Variants in KLK5 observed in about 807,000 individuals in gnomAD.
The protein encoded by KLK5 is kallikrein-5.
In KLK5, 18 loss-of-function variants were observed where a neutral mutation model predicts 24.0. The observed-to-expected ratio is 0.75, with a 90% CI of 0.52 to 1.11. The LOEUF (loss-of-function observed/expected upper bound fraction) is 1.11. KLK5 is among the 50% of genes most tolerant of loss of function. The probability of loss-of-function intolerance (pLI) is 0.00; values close to 1 mark genes in which losing one functional copy is unlikely to be tolerated. For synonymous variants in KLK5, 140 were observed against 154.0 expected (o/e 0.91, Z 0.67); for missense variants, 374 against 379.2 (o/e 0.99, Z 0.11).
chr19:50,943,586 C>A lies in KLK5; in HGVS notation c.*45G>T, dbSNP rs769808746. 6.3e-7 allele frequency: 1 copy of A among 1,575,206 alleles called. No individual in the cohort carries two copies. Among genetic ancestry groups the A allele is most frequent in the Admixed American group, 1.7e-5 (1 of 59,334 alleles). ...GGTCTGAAAGGAGTGTCAGGGCTGT[C>A]CCTGCAGCAGGTGGGGATGCCGGTG... On this transcript the variant is annotated 3_prime_UTR_variant, in exon 6 of 6. Transcript: ENST00000336334.
At chr19:50,951,353 A>G (rs2090686397) in intron 2 of KLK5, among the ~76,000 whole-genome samples, 1 of 150,610 alleles carries the variant, frequency 6.6e-6, no homozygotes, top group African/African-American at 2.4e-5. Flanking sequence ...GCTCACCGCA[A>G]CCTCCACCTC....
chr19:50,950,091 A>T lies in KLK5; in HGVS notation c.99T>A (p.Val33=), dbSNP rs773524270. The T allele has an allele frequency of 1.5e-5, 24 of 1,611,958 alleles. No homozygotes were observed. In the East Asian group the frequency reaches 4.9e-4, roughly 33 times the overall value. The change falls in exon 3 of 6, where the codon GTT becomes GTA. Residue 33 remains valine, a synonymous_variant. Transcript: ENST00000336334. ...CGGTGTTAGAGGGGTGGTCACAGGA[A>T]ACATCATTGTTGGCGAGAACATGCT... ...VTEHVLANND[V]SCDHPSNTVP... is the part of the protein sequence containing the mutation.
chr19:50,949,194 C>G (rs1014947163), intron 3 of KLK5, 79 bp from the exon 4 acceptor site: 172 of 1,431,312 alleles, frequency 1.2e-4, no homozygotes, highest in Non-Finnish European at 1.5e-4. Context: ...CCACACCCAG[C>G]CCCAGCCCCA....
chr19:50,946,629 G>A (rs2090637599), intron 5 of KLK5, among the ~76,000 whole-genome samples: 2 of 151,414 alleles, frequency 1.3e-5, no homozygotes, highest in Non-Finnish European at 2.9e-5. Flanking sequence ...GTGCAACCTC[G>A]GCTCACTGCA....
rs117653265 is a variant in KLK5 at position 50,952,300 on chromosome 19, T to A, written c.73+285A>T. On this transcript the variant is annotated intron_variant, in intron 2 of 5. Coordinates refer to ENST00000336334, the MANE Select transcript of KLK5 (RefSeq NM_012427.5). ...ACAGCTGTGGAGCCACACACAATCT[T>A]AAATGCACACACAATCACAAAACCA... Among the ~76,000 whole-genome samples the A allele has an allele frequency of 9.6e-4, 146 of 151,884 alleles. No individual in the cohort carries two copies. The East Asian group carries it at 0.026, about 27-fold the overall frequency.
In KLK5 at chr19:50,952,700, C is replaced by G. The variant is rs977618586; in HGVS notation, c.-11-32G>C. 3 of 1,507,984 alleles carry G rather than the reference C, an allele frequency of 2.0e-6. No individual in the cohort carries two copies. In the Admixed American group the frequency reaches 5.8e-5, roughly 29 times the overall value. 93.4% of individuals were successfully genotyped at this position (1,507,984 alleles called of 1,614,324 possible). A position where few individuals can be genotyped will look rare whatever the true frequency, so the allele number is the denominator to read the frequency against. On this transcript the variant is annotated intron_variant, in intron 1 of 5. Transcript: ENST00000336334. ...GGGGAATGTCAGAGGGTTGGGAGGC[C>G]CAGGCGATCCGGGGAGCCCTTAACC... is the stretch of plus-strand genomic sequence containing the variant.
rs950750178 is a variant in KLK5, at chr19:50,943,902, A to AG, written c.727-117dup. 3.6e-5 allele frequency: 25 copies of AG among 702,036 alleles called. No individual in the cohort carries two copies. In the East Asian group the frequency reaches 6.1e-4, roughly 17 times the overall value. 43.5% of individuals were successfully genotyped at this position (702,036 alleles called of 1,614,324 possible). On this transcript the variant is annotated intron_variant, in intron 5 of 5. Transcript: ENST00000336334. The stretch of plus-strand genomic sequence containing the variant: ...GAGAAGCAGATGGGAACAGACACAC[A>AG]GAGATGGAAAGTACAGAGATGAAGA...
Position 50,949,985 on chromosome 19 carries a change from T to C in KLK5, c.205A>G (p.Asn69Asp), listed in dbSNP as rs777845818. 2 of 1,613,788 alleles carry C rather than the reference T, an allele frequency of 1.2e-6. No individual in the cohort carries two copies. The highest frequency in any genetic ancestry group is 1.7e-6 in the Non-Finnish European group (2 of 1,179,974). Reference sequence around the variant, plus strand: ...GTGTGCATATCGCAGTCGGATCCATTGATGATGCGGCTGCTGCTGTCATCC... The same window carrying C: ...GTGTGCATATCGCAGTCGGATCCATCGATGATGCGGCTGCTGCTGTCATCC... ...RSDDSSSRIINGSDCDMHTQP... is the reference protein window; with the variant it reads ...RSDDSSSRIIDGSDCDMHTQP... Residue 69 changes from asparagine to aspartate, a missense_variant, in exon 3 of 6, where the codon AAT becomes GAT. Coordinates refer to ENST00000336334, the MANE Select transcript of KLK5 (RefSeq NM_012427.5).
rs534105977 is a variant in KLK5, at chr19:50,948,543, G to C, written c.726+97C>G. On this transcript the variant is annotated intron_variant, in intron 5 of 5. Coordinates refer to ENST00000336334, the MANE Select transcript of KLK5 (RefSeq NM_012427.5). Reference sequence around the variant, plus strand: ...CTCTGTGAGAACAGGGGTCCTGACTGTCTTGGCAATTGCTGGATTCTCAGA... The same window carrying C: ...CTCTGTGAGAACAGGGGTCCTGACTCTCTTGGCAATTGCTGGATTCTCAGA... 8.0e-6 allele frequency: 10 copies of C among 1,253,406 alleles called. No individual in the cohort carries two copies. In the African/African-American group the frequency reaches 1.3e-4, roughly 17 times the overall value. The allele number at this position is 1,253,406 out of a possible 1,614,324, so 77.6% of individuals were successfully genotyped here.
In KLK5 at chr19:50,948,779, A is replaced by T. The variant is rs2090657576; in HGVS notation, c.593-6T>A. On this transcript the variant is annotated splice_region_variant and splice_polypyrimidine_tract_variant and intron_variant, in intron 4 of 5. Coordinates refer to ENST00000336334, the MANE Select transcript of KLK5 (RefSeq NM_012427.5). ...GAGGACCTTAGGGAAGTGCACTGTCAAACAGGAACACAATGAGAAGTGGAG... is the reference window on the plus strand; with the variant it reads ...GAGGACCTTAGGGAAGTGCACTGTCTAACAGGAACACAATGAGAAGTGGAG... 1 of 1,614,004 alleles carries T rather than the reference A, an allele frequency of 6.2e-7. No individual in the cohort carries two copies.
rs555406538 is a variant in KLK5, at chr19:50,950,986, G to T, written c.74-870C>A. ...CCTGGCCCAAAGGGGTGTGGCCTTA[G>T]GCGGGGTCCACTAGAGTCTGGCCTA... On this transcript the variant is annotated intron_variant, in intron 2 of 5. Coordinates refer to ENST00000336334, the MANE Select transcript of KLK5 (RefSeq NM_012427.5). Among the ~76,000 whole-genome samples the T allele has an allele frequency of 2.6e-3, 389 of 151,810 alleles. 4 individuals carry two copies. Among genetic ancestry groups the T allele is most frequent in the African/African-American group, 9.0e-3 (374 of 41,424 alleles).
rs1568526334 is a variant in KLK5, at chr19:50,945,075, CTT to C, written c.727-1291_727-1290del. 6.4e-4 allele frequency among the ~76,000 whole-genome samples: 94 copies of C among 146,410 alleles called. 1 individual carries two copies. The East Asian group carries it at 0.014, about 22-fold the overall frequency. On this transcript the variant is annotated intron_variant, in intron 5 of 5. Transcript: ENST00000336334. ...TCCTTTCTTTCTCCTTCCTTCCTTC[CTT>C]TCTCTCTCCTTCCTCCCTTCGTCTC...
intron 2 of KLK5, 57 bp downstream of exon 2, chr19:50,952,528 T>C (rs375298422): frequency 1.3e-5 from 18 of 1,355,076 alleles, no homozygotes; most frequent in Middle Eastern, 3.7e-4. Context: ...GGCGCTCTAG[T>C]GCCGCAGAGA....
intron 2 of KLK5, 133 bp from the exon 3 acceptor site, chr19:50,950,249 G>T: frequency 1.2e-6 from 1 of 806,900 alleles, no homozygotes; most frequent in Non-Finnish European, 2.0e-6. Context: ...AGGGCCTGGA[G>T]AATAAGAGTG....
At position 50,952,781 on chromosome 19, in the gene KLK5, G is replaced by A. The variant is rs1034467127; in HGVS notation, c.-46C>T. The A allele has an allele frequency of 9.6e-6, 6 of 623,198 alleles. No homozygotes were observed. Among genetic ancestry groups the A allele is most frequent in the East Asian group, 9.5e-5 (3 of 31,554 alleles). The allele number at this position is 623,198 out of a possible 1,614,324, so 38.6% of individuals were successfully genotyped here. The stretch of plus-strand genomic sequence containing the variant: ...CCAGGTAGAGAGGAACCACAAGGAC[G>A]GGCCACCATCGGCACTGCGCTGAGA... On this transcript the variant is annotated 5_prime_UTR_variant, in exon 1 of 6. Transcript: ENST00000336334.
intron 5 of KLK5, among the ~76,000 whole-genome samples, chr19:50,944,646 TC>T (rs1308556134): frequency 6.6e-6 from 1 of 152,218 alleles, no homozygotes; most frequent in African/African-American, 2.4e-5. Context: ...ACTGTGGGCA[TC>T]TGAAGCTGGA....
intron 3 of KLK5, 55 bp downstream of exon 3, chr19:50,949,800 C>CCAGCCCTCACCTCGATGACAA (rs1568529139): frequency 4.3e-6 from 1 of 234,944 alleles, no homozygotes; most frequent in Non-Finnish European, 7.3e-6. Context: ...CACTTCCCCA[C>CCAGCCCTCACCTCGATGACAA]CCCCACCCCC....
chr19:50,949,956 C>G lies in KLK5; in HGVS notation c.234G>C (p.Gln78His). Residue 78 changes from glutamine to histidine, a missense_variant, in exon 3 of 6, where the codon CAG becomes CAC. Transcript: ENST00000336334. Reference sequence around the variant, plus strand: ...TTAGCAACAGCGCGGCCTGCCACGGCTGGGTGTGCATATCGCAGTCGGATC... The same window carrying G: ...TTAGCAACAGCGCGGCCTGCCACGGGTGGGTGTGCATATCGCAGTCGGATC... ...INGSDCDMHT[Q>H]PWQAALLLRP... The G allele has an allele frequency of 6.2e-7, 1 of 1,613,816 alleles. No individual in the cohort carries two copies. Among genetic ancestry groups the G allele is most frequent in the South Asian group, 1.1e-5 (1 of 91,052 alleles).
At position 50,948,920 on chromosome 19, in the gene KLK5, A is replaced by AT. The variant is rs746858436; in HGVS notation, c.530dup (p.His177GlnfsTer26). 14 of 1,613,950 alleles carry AT rather than the reference A, an allele frequency of 8.7e-6. No homozygotes were observed. The highest frequency in any genetic ancestry group is 1.2e-5 in the Non-Finnish European group (14 of 1,180,020). On this transcript the variant is annotated frameshift_variant, in exon 4 of 6. Transcript: ENST00000336334. LOFTEE classifies it high-confidence loss of function. ...AGCACTTTGTCCCAGCAGAGGGACAATGAGAGGAGACGTTGATGGGTCTGA... is the reference window on the plus strand; with the variant it reads ...AGCACTTTGTCCCAGCAGAGGGACAATTGAGAGGAGACGTTGATGGGTCTGA...
Sources: allele counts gnomAD v4.1 joint callset (sites outside exome capture counted in the v4.1 genomes callset), GRCh38; gene constraint gnomAD v4.1.1; transcripts MANE v1.5; gene names NCBI Gene and HGNC (gene_info 2026-07-23, HGNC 2026-07-21).